The following CTNND2 variants were observed in gnomAD, a reference collection of about 807,000 sequenced individuals.
CTNND2 encodes catenin delta-2.
A neutral mutation model predicts 144.4 loss-of-function variants in CTNND2; 22 were observed. The ratio of observed to expected loss-of-function variants is 0.15; its 90% confidence interval spans 0.11 to 0.22. The LOEUF is 0.22. CTNND2 is among the 10% of genes least tolerant of loss of function. The pLI, the probability that CTNND2 is intolerant of heterozygous loss-of-function variation, is 1.00. For synonymous variants in CTNND2, 751 were observed against 695.6 expected (o/e 1.08, Z -1.25); for missense variants, 1,353 against 1,618.8 (o/e 0.84, Z 2.82).
At chr5:11,644,778 G>C (rs537723425) in intron 2 of CTNND2, among the ~76,000 whole-genome samples, 7 of 152,138 alleles carry the variant, frequency 4.6e-5, no homozygotes, top group African/African-American at 1.4e-4. Flanking sequence ...CCACTATATG[G>C]TCATAAAATT....
intron 9 of CTNND2, among the ~76,000 whole-genome samples, chr5:11,319,437 A>G (rs1751818741): frequency 6.6e-6 from 1 of 152,244 alleles, no homozygotes; most frequent in Non-Finnish European, 1.5e-5. Context: ...CCTATTTAAA[A>G]TCATCCTGTG....
intron 18 of CTNND2, among the ~76,000 whole-genome samples, chr5:11,003,950 A>G (rs1227718016): frequency 6.6e-6 from 1 of 152,228 alleles, no homozygotes; most frequent in Non-Finnish European, 1.5e-5. Flanking sequence ...CCATCTTTTA[A>G]AAGCAAATAC....
chr5:11,418,960 A>C (rs1465104160), intron 3 of CTNND2, among the ~76,000 whole-genome samples: 1 of 151,682 alleles, frequency 6.6e-6, no homozygotes, highest in Non-Finnish European at 1.5e-5. Context: ...AATATTGTTT[A>C]TAAATATACA....
chr5:11,067,433 C>G (rs1240654398), intron 16 of CTNND2, among the ~76,000 whole-genome samples: 1 of 152,188 alleles, frequency 6.6e-6, no homozygotes, highest in African/African-American at 2.4e-5. Flanking sequence ...CACACCTAAA[C>G]AGAGACACAG....
At chr5:11,066,414 C>T (rs1414168186) in intron 16 of CTNND2, among the ~76,000 whole-genome samples, 1 of 152,164 alleles carries the variant, frequency 6.6e-6, no homozygotes, top group East Asian at 1.9e-4. Context: ...AATCAATTGT[C>T]AACCAGAAAA....
intron 3 of CTNND2, among the ~76,000 whole-genome samples, chr5:11,433,315 A>G (rs748666026): frequency 1.1e-4 from 17 of 151,556 alleles, no homozygotes; most frequent in Non-Finnish European, 1.8e-4. Flanking sequence ...ATTGGTCATT[A>G]AGGAGATGCA....
chr5:11,233,716 CTGTGTGTGTG>C (rs3033106), intron 10 of CTNND2, among the ~76,000 whole-genome samples: 1 of 148,236 alleles, frequency 6.7e-6, no homozygotes, highest in South Asian at 2.2e-4. Context: ...GTTTACGTGT[CTGTGTGTGTG>C]TGTGTGTGTG....
At chr5:11,212,559 C>T (rs739957) in intron 10 of CTNND2, among the ~76,000 whole-genome samples, 22 of 152,090 alleles carry the variant, frequency 1.4e-4, no homozygotes, top group African/African-American at 5.1e-4. Context: ...AGATTGGGGG[C>T]CATTATTTTT....
intron 10 of CTNND2, among the ~76,000 whole-genome samples, chr5:11,211,804 G>GT (rs1296485596): frequency 6.6e-6 from 1 of 152,164 alleles, no homozygotes. Context: ...TAGAGAAATT[G>GT]TTTTGTGTCT....
chr5:11,401,699 C>T (rs1235234391), intron 5 of CTNND2, among the ~76,000 whole-genome samples: 1 of 152,154 alleles, frequency 6.6e-6, no homozygotes, highest in South Asian at 2.1e-4. Context: ...AAGGTACAAC[C>T]ATTCCCACTA....
chr5:11,158,194 G>T (rs1340929477), intron 12 of CTNND2, among the ~76,000 whole-genome samples: 1 of 152,196 alleles, frequency 6.6e-6, no homozygotes, highest in Non-Finnish European at 1.5e-5. Context: ...CTGACACTGT[G>T]AAAGTAGGGA....
chr5:11,735,834 T>C (rs1787652533), intron 1 of CTNND2, among the ~76,000 whole-genome samples: 1 of 152,218 alleles, frequency 6.6e-6, no homozygotes, highest in Admixed American at 6.5e-5. Context: ...TCTTTTTCTC[T>C]ATAAATTACT....
intron 10 of CTNND2, among the ~76,000 whole-genome samples, chr5:11,233,455 G>A (rs947299707): frequency 6.6e-6 from 1 of 152,204 alleles, no homozygotes; most frequent in Admixed American, 6.5e-5. Flanking sequence ...CAATATGAAT[G>A]ATGAAATGTA....
intron 5 of CTNND2, among the ~76,000 whole-genome samples, chr5:11,407,407 C>T (rs1044753380): frequency 6.6e-6 from 1 of 152,156 alleles, no homozygotes; most frequent in African/African-American, 2.4e-5. Flanking sequence ...GTTAAAAATA[C>T]ACAAAGTGTT....
intron 9 of CTNND2, among the ~76,000 whole-genome samples, chr5:11,237,053 T>A (rs939545165): frequency 6.6e-6 from 1 of 151,052 alleles, no homozygotes; most frequent in Non-Finnish European, 1.5e-5. Context: ...AGAATCTCAC[T>A]CTGTCGCCCA....
Position 11,859,926 on chromosome 5 carries a change from T to C in CTNND2, c.37+43891A>G, listed in dbSNP as rs537027902. Among the ~76,000 whole-genome samples, 24 of 152,306 alleles carry C rather than the reference T, an allele frequency of 1.6e-4. No homozygotes were observed. In the South Asian group the frequency reaches 4.3e-3, roughly 28 times the overall value. On this transcript the variant is annotated intron_variant, in intron 1 of 21. Coordinates refer to ENST00000304623, the MANE Select transcript of CTNND2 (RefSeq NM_001332.4). ...AGCACACTCTAGGGACTACCAGATA[T>C]AGACTGAAAGATCCCTCCCCATCCC...
At chr5:11,566,174 T>C (rs1476476636) in intron 2 of CTNND2, among the ~76,000 whole-genome samples, 2 of 152,206 alleles carry the variant, frequency 1.3e-5, no homozygotes, top group Admixed American at 1.3e-4. Flanking sequence ...CTCTTTTCCA[T>C]AGGTGCACAT....
At chr5:11,639,519 A>C (rs919656426) in intron 2 of CTNND2, among the ~76,000 whole-genome samples, 3 of 152,160 alleles carry the variant, frequency 2.0e-5, no homozygotes, top group Non-Finnish European at 2.9e-5. Flanking sequence ...AACTTAAATA[A>C]CAGACTATTA....
At chr5:11,738,907 T>C (rs1401038336) in intron 1 of CTNND2, among the ~76,000 whole-genome samples, 3 of 152,160 alleles carry the variant, frequency 2.0e-5, no homozygotes, top group South Asian at 2.1e-4. Context: ...CTTGGGGTCC[T>C]AGGGCCCTCA....
Sources: gnomAD v4.1 joint callset for allele counts (sites outside exome capture counted in the v4.1 genomes callset) on GRCh38, gnomAD v4.1.1 for gene constraint, MANE v1.5 for transcripts, NCBI Gene and HGNC (gene_info 2026-07-23, HGNC 2026-07-21) for gene names.